ANKMY1: variants seen among roughly 807,000 people sequenced by gnomAD.
ANKMY1 encodes the protein ankyrin repeat and MYND domain-containing protein 1.
In ANKMY1, 98 loss-of-function variants were observed where a neutral mutation model predicts 102.0. That is an observed-to-expected ratio of 0.96 (90% confidence interval 0.82 to 1.14). The LOEUF is 1.14. Among genes scored for constraint, ANKMY1 ranks in the 50% most tolerant of loss-of-function variants. The pLI is 0.00. For synonymous variants in ANKMY1, 582 were observed against 559.9 expected, an observed-to-expected ratio of 1.04 and a Z score of -0.56; for missense variants, 1,330 against 1,347.6, an observed-to-expected ratio of 0.99 and a Z score of 0.20.
intron 13 of ANKMY1, among the ~76,000 whole-genome samples, chr2:240,501,288 G>A (rs1250889210): frequency 6.6e-6 from 1 of 152,202 alleles, no homozygotes; most frequent in Non-Finnish European, 1.5e-5. Context: ...GTGAGTGAGT[G>A]CAAGTATGCC....
At chr2:240,470,700 TAAAAG>T in the ANKMY1 span, among the ~76,000 whole-genome samples, 10 of 152,072 alleles carry the variant, frequency 6.6e-5, no homozygotes, top group African/African-American at 2.2e-4. Context: ...ATGTGAGAAT[TAAAAG>T]AAACAGGAGG....
chr2:240,527,739 G>A (rs2084093350), intron 5 of ANKMY1: 5 of 152,606 alleles, frequency 3.3e-5, no homozygotes, highest in African/African-American at 1.2e-4. Flanking sequence ...ATGGATGAAT[G>A]GATGGCTGGA....
At chr2:240,531,377 C>G (rs1213406871) in intron 4 of ANKMY1, among the ~76,000 whole-genome samples, 3 of 152,210 alleles carry the variant, frequency 2.0e-5, no homozygotes, top group Non-Finnish European at 4.4e-5. Context: ...ACCAGCAACC[C>G]CACTCTTGGG....
Position 240,554,959 on chromosome 2 carries a change from ACCCTGGACGAGCTGGATGTAGGACTC to A in ANKMY1, c.217_242del (p.Glu73CysfsTer128). The A allele has an allele frequency of 6.2e-7, 1 of 1,614,126 alleles. No homozygotes were observed. The highest frequency in any genetic ancestry group is 8.5e-7 in the Non-Finnish European group (1 of 1,180,012). The stretch of plus-strand genomic sequence containing the variant: ...TGCAACCATCCTGCCACTCCTGCAC[ACCCTGGACGAGCTGGATGTAGGACTC>A]CCTCAGGTCCTGCGCCCTCAGCGGG... On this transcript the variant is annotated frameshift_variant, in exon 3 of 18. Coordinates refer to ENST00000401804, the MANE Select transcript of ANKMY1 (RefSeq NM_001282771.3). LOFTEE classifies it high-confidence loss of function.
In ANKMY1 at chr2:240,481,049, G is replaced by A. The variant is rs755192195; in HGVS notation, c.2934C>T (p.Val978=). The A allele has an allele frequency of 6.2e-7, 1 of 1,613,280 alleles. No homozygotes were observed. The highest frequency in any genetic ancestry group is 1.7e-5 in the Admixed American group (1 of 59,976). ...AGCAGCGAGGGCAGGGCAAGAGGCG[G>A]ACCCCGATGGAGCGGCCACACTGGT... The part of the protein sequence containing the change: ...FCYQCGRSIG[V]RLLPCPRCYG... The change falls in exon 17 of 18, where the codon GTC becomes GTT. Residue 978 remains valine (V), a synonymous_variant. Coordinates refer to ENST00000401804, the MANE Select transcript of ANKMY1 (RefSeq NM_001282771.3).
At chr2:240,533,539 C>T (rs1470176838) in intron 4 of ANKMY1, among the ~76,000 whole-genome samples, 1 of 151,956 alleles carries the variant, frequency 6.6e-6, no homozygotes, top group East Asian at 1.9e-4. Context: ...GTTGATGTAT[C>T]TTACATTCTT....
At chr2:240,502,042 A>G (rs956225459) in intron 13 of ANKMY1, among the ~76,000 whole-genome samples, 13 of 152,192 alleles carry the variant, frequency 8.5e-5, no homozygotes, top group African/African-American at 2.4e-4. Flanking sequence ...TTTTCAGGAA[A>G]AGGTGGGCAG....
rs373544949 is a variant in ANKMY1, at chr2:240,480,937, C to G, written c.3046G>C (p.Val1016Leu). 6.2e-7 allele frequency: 1 copy of G among 1,604,986 alleles called. No individual in the cohort carries two copies. The highest frequency in any genetic ancestry group is 8.5e-7 in the Non-Finnish European group (1 of 1,172,636). The change falls in exon 17 of 18, where the codon GTG (valine) becomes CTG (leucine). Residue 1016 changes from valine (V) to leucine (L), a missense_variant and splice_region_variant. Physicochemically the swap from Val to Leu is conservative, Grantham distance 32 (BLOSUM62 1). Transcript: ENST00000401804. ...KKDCGDLVAI[V>L]TQLEQVSRRR... ...CCTCCCAGCCTGAGGGCCGACCTAC[C>G]GATGGCCACCAGGTCCCCGCAGTCC...
At chr2:240,531,512 T>C (rs1411717356) in intron 4 of ANKMY1, among the ~76,000 whole-genome samples, 2 of 152,212 alleles carry the variant, frequency 1.3e-5, no homozygotes, top group East Asian at 3.8e-4. Context: ...CCAATAAAAA[T>C]TTTGTGTTAT....
chr2:240,523,323 G>T (rs949481461), intron 8 of ANKMY1: 1 of 155,052 alleles, frequency 6.4e-6, no homozygotes, highest in African/African-American at 2.4e-5. Context: ...CTGGTGGTCT[G>T]CACGGCCCTG....
At chr2:240,488,683 T>C (rs2076320141) in intron 15 of ANKMY1, among the ~76,000 whole-genome samples, 1 of 152,228 alleles carries the variant, frequency 6.6e-6, no homozygotes, top group Non-Finnish European at 1.5e-5. Context: ...TGGAGATCCT[T>C]CAACTCCTTG....
At chr2:240,504,986 A>AAC (rs760064796) in intron 13 of ANKMY1, among the ~76,000 whole-genome samples, 47 of 150,308 alleles carry the variant, frequency 3.1e-4, no homozygotes, top group Admixed American at 2.3e-3. Flanking sequence ...GACTCTGTTA[A>AAC]ACACACACAC....
At chr2:240,477,064 A>G (rs150928138), downstream of ANKMY1, among the ~76,000 whole-genome samples, 5,226 of 152,344 alleles carry the variant, frequency 0.034, 90 homozygotes, top group South Asian at 0.065. Context: ...CACGCCTGTA[A>G]TCCCAGCACT....
chr2:240,547,030 C>T (rs1247898740), intron 4 of ANKMY1, among the ~76,000 whole-genome samples: 1 of 152,178 alleles, frequency 6.6e-6, no homozygotes, highest in Non-Finnish European at 1.5e-5. Flanking sequence ...ACCTACAGAA[C>T]TCTCCACCCC....
chr2:240,555,310 G>A (rs1309497217), intron 2 of ANKMY1: 2 of 515,476 alleles, frequency 3.9e-6, no homozygotes, highest in Non-Finnish European at 7.0e-6. Flanking sequence ...GGCTCTAGAG[G>A]CAGGACCAGT....
intron 4 of ANKMY1, among the ~76,000 whole-genome samples, chr2:240,548,599 G>T (rs558442604): frequency 1.3e-5 from 2 of 152,000 alleles, no homozygotes; most frequent in African/African-American, 4.8e-5. Flanking sequence ...CGACATGATT[G>T]TATATCTAGA....
At position 240,523,897 on chromosome 2, in the gene ANKMY1, A is replaced by G; in HGVS notation, c.1820T>C (p.Leu607Pro). 6.2e-7 allele frequency: 1 copy of G among 1,612,848 alleles called. No individual in the cohort carries two copies. Among genetic ancestry groups the G allele is most frequent in the Non-Finnish European group, 8.5e-7 (1 of 1,179,446 alleles). ...FDKGTMRRMA[L>P]SMIERRKRWR... ...TGCCAGGACCTACTCGATCATGGAC[A>G]GCGCCATCCTCCGCATGGTCCCTTT... Residue 607 changes from leucine to proline, a missense_variant, in exon 8 of 18, where the codon CTG becomes CCG. Physicochemically the swap from Leu to Pro is moderately conservative, Grantham distance 98. Transcript: ENST00000401804.
At chr2:240,541,011 G>C (rs1029555114) in intron 4 of ANKMY1, among the ~76,000 whole-genome samples, 3 of 152,174 alleles carry the variant, frequency 2.0e-5, no homozygotes, top group Admixed American at 6.5e-5. Context: ...GGCCCAAACA[G>C]CAGGATCTGC....
chr2:240,540,309 T>G (rs186707037), intron 4 of ANKMY1, among the ~76,000 whole-genome samples: 2 of 152,328 alleles, frequency 1.3e-5, no homozygotes, highest in East Asian at 3.9e-4. Flanking sequence ...GCACACTTTC[T>G]CAGGACTCCC....
Sources: gnomAD v4.1 joint callset for allele counts (sites outside exome capture counted in the v4.1 genomes callset) on GRCh38, gnomAD v4.1.1 for gene constraint, MANE v1.5 for transcripts, NCBI Gene and HGNC (gene_info 2026-07-23, HGNC 2026-07-21) for gene names.